The following NUP37 variants were observed in gnomAD, a reference collection of about 807,000 sequenced individuals.
NUP37 encodes nucleoporin Nup37.
Under a neutral mutation model 45.4 loss-of-function variants are expected in NUP37, and 33 were observed. The ratio of observed to expected loss-of-function variants is 0.73; its 90% CI spans 0.55 to 0.97. The LOEUF (loss-of-function observed/expected upper bound fraction) is 0.97, where lower values mean the gene tolerates loss of function less well. Ranked by LOEUF, NUP37 falls within the 50% of genes least tolerant of loss-of-function variation. The pLI is 0.00. For synonymous variants in NUP37, 127 were observed against 130.7 expected, an observed-to-expected ratio of 0.97 and a Z score of 0.19; for missense variants, 365 against 389.7, an observed-to-expected ratio of 0.94 and a Z score of 0.53.
chr12:102,075,326 C>G (rs995993646), intron 8 of NUP37, among the ~76,000 whole-genome samples: 1 of 152,000 alleles, frequency 6.6e-6, no homozygotes, highest in Non-Finnish European at 1.5e-5. Flanking sequence ...CAGGTGTGTA[C>G]TACGATGCCC....
In NUP37 at chr12:102,094,652, T is replaced by C. The variant is rs990366271; in HGVS notation, c.449+4454A>G. Among the ~76,000 whole-genome samples, 5 of 152,250 alleles carry C rather than the reference T, an allele frequency of 3.3e-5. No homozygotes were observed. In the East Asian group the frequency reaches 9.6e-4, roughly 29 times the overall value. ...AATCATTTTTCCTCTTGCAACATTTTTTAAACAACTATATTACTGGCTTAG... is the reference window on the plus strand; with the variant it reads ...AATCATTTTTCCTCTTGCAACATTTCTTAAACAACTATATTACTGGCTTAG... On this transcript the variant is annotated intron_variant, in intron 5 of 9. Transcript: ENST00000552283.
At chr12:102,091,427 A>C (rs1208289399) in intron 5 of NUP37, among the ~76,000 whole-genome samples, 4 of 145,688 alleles carry the variant, frequency 2.7e-5, no homozygotes, top group Non-Finnish European at 4.5e-5. Flanking sequence ...AAAAAAAAAA[A>C]ACCCAAAAAA....
intron 7 of NUP37, 142 bp from the exon 8 acceptor site, chr12:102,076,989 A>G (rs1594382737): frequency 1.5e-6 from 1 of 646,370 alleles, no homozygotes; most frequent in East Asian, 2.7e-5. Flanking sequence ...GCAATCAGTT[A>G]AAACAGATGA....
At chr12:102,081,716 T>C (rs76300280) in intron 6 of NUP37, among the ~76,000 whole-genome samples, 5 of 142,722 alleles carry the variant, frequency 3.5e-5, no homozygotes, top group Non-Finnish European at 7.6e-5. Flanking sequence ...CATTTAGCTA[T>C]TTTTTTTTTT....
Position 102,118,484 on chromosome 12 carries a change from G to A in NUP37, c.35C>T (p.Thr12Ile). 6.2e-7 allele frequency: 1 copy of A among 1,611,834 alleles called. No homozygotes were observed. Residue 12 changes from threonine (T) to isoleucine (I), a missense_variant, in exon 2 of 10, where the codon ACT (threonine) becomes ATT (isoleucine). Transcript: ENST00000552283. The part of the protein sequence containing the change: ...KQDASRNAAY[T>I]VDCEDYVHVV... ...ATGCACATAATCTTCACAATCCACA[G>A]TGTAGGCAGCATTTCTTGAGGCATC...
At chr12:102,077,258 G>A (rs988006611) in intron 7 of NUP37, 64 bp downstream of exon 7, 2 of 1,520,702 alleles carry the variant, frequency 1.3e-6, no homozygotes, top group Non-Finnish European at 1.8e-6. Context: ...TGGATGAGTG[G>A]ATCATTTAGC....
intron 3 of NUP37, among the ~76,000 whole-genome samples, chr12:102,110,608 C>A (rs1245436642): frequency 6.6e-6 from 1 of 152,034 alleles, no homozygotes; most frequent in African/African-American, 2.4e-5. Context: ...TTTGGGAGGC[C>A]AAGGCACATG....
intron 3 of NUP37, among the ~76,000 whole-genome samples, chr12:102,103,601 T>C (rs1421797694): frequency 6.6e-6 from 1 of 152,178 alleles, no homozygotes; most frequent in East Asian, 1.9e-4. Context: ...TTGCTCTGGC[T>C]AGGACTTCAA....
chr12:102,087,936 T>C (rs182963341), intron 5 of NUP37, among the ~76,000 whole-genome samples: 126 of 152,324 alleles, frequency 8.3e-4, no homozygotes, highest in African/African-American at 2.9e-3. Context: ...TTTTACCTAA[T>C]TTTTAACCAG....
chr12:102,083,055 T>A (rs868544837), intron 6 of NUP37, among the ~76,000 whole-genome samples: 1 of 152,154 alleles, frequency 6.6e-6, no homozygotes. Context: ...GGAATTTTAA[T>A]GATATGTAGG....
At chr12:102,089,735 G>A (rs932439431) in intron 5 of NUP37, among the ~76,000 whole-genome samples, 3 of 151,220 alleles carry the variant, frequency 2.0e-5, no homozygotes, top group African/African-American at 7.3e-5. Flanking sequence ...GGGCAGAGGC[G>A]CTCCTCACTT....
At chr12:102,110,422 G>A (rs1452385309) in intron 3 of NUP37, among the ~76,000 whole-genome samples, 1 of 151,838 alleles carries the variant, frequency 6.6e-6, no homozygotes, top group African/African-American at 2.4e-5. Flanking sequence ...GGAGGGTTGA[G>A]GCTGAGCCAA....
intron 5 of NUP37, among the ~76,000 whole-genome samples, chr12:102,087,902 G>A (rs1172829486): frequency 6.6e-6 from 1 of 152,108 alleles, no homozygotes; most frequent in Non-Finnish European, 1.5e-5. Flanking sequence ...TTAATGAAAT[G>A]TATTCCTGTC....
At chr12:102,103,066 T>C (rs796205596) in intron 3 of NUP37, among the ~76,000 whole-genome samples, 2 of 152,284 alleles carry the variant, frequency 1.3e-5, no homozygotes, top group African/African-American at 4.8e-5. Context: ...AAAATTGCTT[T>C]GGCTATCTGG....
At chr12:102,087,692 T>G (rs532982597) in intron 5 of NUP37, among the ~76,000 whole-genome samples, 2 of 152,356 alleles carry the variant, frequency 1.3e-5, no homozygotes, top group South Asian at 4.1e-4. Context: ...GAATTTGTCT[T>G]GAAAATTCAG....
At chr12:102,095,524 A>G (rs11111162) in intron 5 of NUP37, among the ~76,000 whole-genome samples, 35,471 of 151,918 alleles carry the variant, frequency 0.23, 4,284 homozygotes, top group East Asian at 0.42. Flanking sequence ...TGTAGAATAT[A>G]AGGCTGAATG....
intron 3 of NUP37, among the ~76,000 whole-genome samples, chr12:102,103,773 C>T (rs1167366680): frequency 6.6e-6 from 1 of 152,076 alleles, no homozygotes; most frequent in Admixed American, 6.6e-5. Flanking sequence ...ACAAAAACCA[C>T]ATCATCTCAA....
chr12:102,117,217 G>T (rs1880489657), intron 2 of NUP37, among the ~76,000 whole-genome samples: 1 of 152,126 alleles, frequency 6.6e-6, no homozygotes, highest in Admixed American at 6.5e-5. Flanking sequence ...CACTTGGGAG[G>T]CCGAGGTAGG....
intron 5 of NUP37, among the ~76,000 whole-genome samples, chr12:102,086,538 C>A (rs78040272): frequency 6.6e-6 from 1 of 152,328 alleles, no homozygotes; most frequent in African/African-American, 2.4e-5. Context: ...AGTTACAAAT[C>A]CACAGTAACA....
Sources: gnomAD v4.1 joint callset for allele counts (sites outside exome capture counted in the v4.1 genomes callset) on GRCh38, gnomAD v4.1.1 for gene constraint, MANE v1.5 for transcripts, NCBI Gene and HGNC (gene_info 2026-07-23, HGNC 2026-07-21) for gene names.